Variants in KCNQ5 observed in about 807,000 individuals in gnomAD.
The protein encoded by KCNQ5 is potassium voltage-gated channel subfamily Q member 5, also known as potassium voltage-gated channel subfamily KQT member 5.
A neutral mutation model predicts 98.2 loss-of-function variants in KCNQ5; 30 were observed. The ratio of observed to expected loss-of-function variants is 0.31; its 90% CI spans 0.23 to 0.41. KCNQ5 has a LOEUF of 0.41. KCNQ5 is among the 10% of genes least tolerant of loss of function. The pLI is 1.00. For missense variants in KCNQ5, 835 were observed against 1,182.5 expected (o/e 0.71, Z 4.31); for synonymous variants, 458 against 449.4 (o/e 1.02, Z -0.24).
intron 1 of KCNQ5, among the ~76,000 whole-genome samples, chr6:72,857,145 T>C (rs764568402): frequency 3.2e-4 from 48 of 152,214 alleles, no homozygotes; most frequent in Admixed American, 2.9e-3. Context: ...CAGAAAGATA[T>C]ATGACTAGAA....
intron 10 of KCNQ5, among the ~76,000 whole-genome samples, chr6:73,168,172 A>G (rs1777875709): frequency 6.6e-6 from 1 of 152,172 alleles, no homozygotes; most frequent in Non-Finnish European, 1.5e-5. Flanking sequence ...GCATAAACAC[A>G]CAGTAAATAT....
intron 1 of KCNQ5, among the ~76,000 whole-genome samples, chr6:72,793,795 C>T (rs930191639): frequency 3.9e-5 from 6 of 152,208 alleles, no homozygotes; most frequent in Non-Finnish European, 7.3e-5. Context: ...GATTTCAGCT[C>T]TTATTGAGTG....
At chr6:72,969,157 C>T (rs1195644236) in intron 1 of KCNQ5, among the ~76,000 whole-genome samples, 1 of 152,130 alleles carries the variant, frequency 6.6e-6, no homozygotes, top group Non-Finnish European at 1.5e-5. Context: ...TATGCCCAAA[C>T]ACAATATATG....
chr6:73,008,618 A>G (rs780274418), intron 2 of KCNQ5, among the ~76,000 whole-genome samples: 1 of 152,174 alleles, frequency 6.6e-6, no homozygotes, highest in Admixed American at 6.5e-5. Context: ...ATGAAGCAAA[A>G]CTGACAAAAT....
chr6:72,944,997 C>T (rs1034614714), intron 1 of KCNQ5, among the ~76,000 whole-genome samples: 2 of 152,098 alleles, frequency 1.3e-5, no homozygotes, highest in African/African-American at 4.8e-5. Flanking sequence ...TTATTTTTCT[C>T]TTGCCCTCAT....
intron 1 of KCNQ5, among the ~76,000 whole-genome samples, chr6:72,777,971 C>T (rs1582270743): frequency 6.6e-6 from 1 of 152,168 alleles, no homozygotes; most frequent in Non-Finnish European, 1.5e-5. Context: ...TAGAGAAAAT[C>T]AGTTGGCAGT....
intron 2 of KCNQ5, among the ~76,000 whole-genome samples, chr6:73,023,868 C>A (rs547780659): frequency 2.4e-4 from 36 of 152,242 alleles, no homozygotes; most frequent in African/African-American, 8.2e-4. Flanking sequence ...CATTCTTAAA[C>A]CTAATCTAGG....
chr6:72,652,867 C>A (rs1007712970), intron 1 of KCNQ5, among the ~76,000 whole-genome samples: 3 of 151,998 alleles, frequency 2.0e-5, no homozygotes, highest in African/African-American at 7.2e-5. Flanking sequence ...CCCCAGTTTT[C>A]CCATCTAGAA....
At chr6:72,761,062 G>A (rs866637291) in intron 1 of KCNQ5, among the ~76,000 whole-genome samples, 1 of 151,940 alleles carries the variant, frequency 6.6e-6, no homozygotes, top group African/African-American at 2.4e-5. Context: ...TGTCAATTCC[G>A]AGGCACCAAG....
At chr6:73,015,943 A>T (rs568297185) in intron 2 of KCNQ5, among the ~76,000 whole-genome samples, 1 of 152,130 alleles carries the variant, frequency 6.6e-6, no homozygotes, top group Non-Finnish European at 1.5e-5. Flanking sequence ...TATCTTCTCC[A>T]TTATTCATTT....
intron 1 of KCNQ5, among the ~76,000 whole-genome samples, chr6:72,723,455 A>G (rs775837133): frequency 9.2e-5 from 14 of 152,212 alleles, no homozygotes; most frequent in Non-Finnish European, 1.6e-4. Context: ...TATGAGAAAC[A>G]GGAGGAATAA....
At chr6:73,182,980 A>G (rs1778452826) in intron 11 of KCNQ5, among the ~76,000 whole-genome samples, 1 of 152,232 alleles carries the variant, frequency 6.6e-6, no homozygotes, top group African/African-American at 2.4e-5. Flanking sequence ...ACTGATTCCC[A>G]GAAGGGACCT....
chr6:73,049,200 T>C (rs893541889), intron 3 of KCNQ5, among the ~76,000 whole-genome samples: 1 of 152,188 alleles, frequency 6.6e-6, no homozygotes, highest in Non-Finnish European at 1.5e-5. Flanking sequence ...ACTCAGTGCA[T>C]AGTTGATTGC....
chr6:73,039,746 A>G (rs1249417729), intron 2 of KCNQ5, among the ~76,000 whole-genome samples: 2 of 152,174 alleles, frequency 1.3e-5, no homozygotes, highest in African/African-American at 2.4e-5. Flanking sequence ...AATCTATCTT[A>G]ATAAATGTGC....
At position 72,977,712 on chromosome 6, in the gene KCNQ5, C is replaced by T. The variant is rs968928033; in HGVS notation, c.399-26196C>T. On this transcript the variant is annotated intron_variant, in intron 1 of 13. Transcript: ENST00000370398. ...CTTTGTCCATACGTTCAACTCTCCCCGCTTCTGCATCCTATCTATCCTCTT... is the reference window on the plus strand; with the variant it reads ...CTTTGTCCATACGTTCAACTCTCCCTGCTTCTGCATCCTATCTATCCTCTT... Among the ~76,000 whole-genome samples the T allele has an allele frequency of 7.2e-5, 11 of 152,130 alleles. 1 individual carries two copies. The South Asian group carries it at 1.5e-3, about 20-fold the overall frequency.
Position 72,622,497 on chromosome 6 carries a change from G to T in KCNQ5, c.308G>T (p.Arg103Leu). 6.2e-7 allele frequency: 1 copy of T among 1,610,236 alleles called. No individual in the cohort carries two copies. Residue 103 changes from arginine (R) to leucine (L), a missense_variant, in exon 1 of 14, where the codon CGG becomes CTG. Arg to Leu is a moderately radical substitution (Grantham distance 102, BLOSUM62 -2). This residue lies in a region of KCNQ5 where 54 missense variants were observed against 51.5 expected (regional missense o/e 1.05). Transcript: ENST00000370398. The surrounding 1 kb of genome is among the most constrained non-coding windows in gnomAD (Gnocchi z 6.0). The part of the protein sequence containing the change: ...PLSYTSSQSC[R>L]RNVKYRRVQN... ...TCTTACACGAGTAGCCAGAGCTGCC[G>T]GCGCAACGTCAAGTACCGGCGGGTG...
intron 1 of KCNQ5, among the ~76,000 whole-genome samples, chr6:72,881,163 T>C (rs1461985332): frequency 1.3e-5 from 2 of 152,212 alleles, no homozygotes; most frequent in Non-Finnish European, 2.9e-5. Flanking sequence ...AAACTCTTAT[T>C]ATCACTATCT....
At chr6:72,732,468 A>C (rs1770607073) in intron 1 of KCNQ5, among the ~76,000 whole-genome samples, 1 of 152,204 alleles carries the variant, frequency 6.6e-6, no homozygotes, top group Admixed American at 6.5e-5. Context: ...GCCCAGCAAG[A>C]ACAGAGTGTG....
At chr6:72,729,904 T>C (rs1337397639) in intron 1 of KCNQ5, among the ~76,000 whole-genome samples, 3 of 152,194 alleles carry the variant, frequency 2.0e-5, no homozygotes, top group Non-Finnish European at 4.4e-5. Flanking sequence ...CTCACACTTA[T>C]AATCCCAGCA....
Sources: allele counts gnomAD v4.1 joint callset (sites outside exome capture counted in the v4.1 genomes callset), GRCh38; gene constraint gnomAD v4.1.1; regional missense constraint gnomAD v4.1.1; non-coding constraint Gnocchi (gnomAD v3.1); transcripts MANE v1.5; gene names NCBI Gene and HGNC (gene_info 2026-07-23, HGNC 2026-07-21).